The following PRDM5 variants were observed in gnomAD, a reference collection of about 807,000 sequenced individuals.
PRDM5 encodes the protein PR domain zinc finger protein 5.
Under a neutral mutation model 81.2 loss-of-function variants are expected in PRDM5, and 56 were observed. The observed-to-expected ratio is 0.69, with a 90% CI of 0.56 to 0.86. The LOEUF (loss-of-function observed/expected upper bound fraction) is 0.86. PRDM5 is among the 40% of genes least tolerant of loss of function. The pLI, the probability that PRDM5 is intolerant of heterozygous loss-of-function variation, is 0.00. For missense variants in PRDM5, 697 were observed against 770.1 expected, an observed-to-expected ratio of 0.91 and a Z score of 1.12; for synonymous variants, 267 against 256.4, an observed-to-expected ratio of 1.04 and a Z score of -0.39.
intron 14 of PRDM5, among the ~76,000 whole-genome samples, chr4:120,713,088 CA>C (rs1737238616): frequency 6.6e-6 from 1 of 152,156 alleles, no homozygotes; most frequent in Non-Finnish European, 1.5e-5. Context: ...GTGATTCTAT[CA>C]CTTTATTTTA....
At chr4:120,778,158 T>C (rs539257960) in intron 12 of PRDM5, among the ~76,000 whole-genome samples, 8 of 152,132 alleles carry the variant, frequency 5.3e-5, no homozygotes, top group Non-Finnish European at 1.2e-4. Flanking sequence ...TTTCTAAGAC[T>C]ACTTTTAGAA....
chr4:120,878,484 A>T (rs867331583), intron 2 of PRDM5, among the ~76,000 whole-genome samples: 3 of 152,298 alleles, frequency 2.0e-5, no homozygotes, highest in Middle Eastern at 6.8e-3. Context: ...ACATAGGAAA[A>T]TATCTAGGTA....
intron 10 of PRDM5, among the ~76,000 whole-genome samples, chr4:120,788,662 T>A (rs538000939): frequency 6.6e-6 from 1 of 152,326 alleles, no homozygotes; most frequent in South Asian, 2.1e-4. Flanking sequence ...ATGACTTAAG[T>A]TGCTTAATTA....
intron 3 of PRDM5, among the ~76,000 whole-genome samples, chr4:120,835,434 T>C (rs1757235130): frequency 6.6e-6 from 1 of 152,188 alleles, no homozygotes; most frequent in South Asian, 2.1e-4. Context: ...ATAAAGGAGA[T>C]ATGGTTTGGT....
chr4:120,839,838 C>A (rs948198897), intron 3 of PRDM5, among the ~76,000 whole-genome samples: 1 of 152,238 alleles, frequency 6.6e-6, no homozygotes, highest in Admixed American at 6.5e-5. Flanking sequence ...TCCAACCCCC[C>A]CACACTCATT....
At chr4:120,686,168 C>T (rs1226682931) in intron 1 of PRDM5, among the ~76,000 whole-genome samples, 1 of 152,034 alleles carries the variant, frequency 6.6e-6, no homozygotes, top group Admixed American at 6.6e-5. Context: ...TAATACCATG[C>T]TTCCTGTATA....
At chr4:120,759,805 A>C (rs1023391500) in intron 13 of PRDM5, among the ~76,000 whole-genome samples, 1 of 152,254 alleles carries the variant, frequency 6.6e-6, no homozygotes, top group Non-Finnish European at 1.5e-5. Flanking sequence ...GGCTAGTCAC[A>C]GTATTCAAAT....
At chr4:120,715,632 T>G (rs2149042319) in intron 14 of PRDM5, among the ~76,000 whole-genome samples, 1 of 152,294 alleles carries the variant, frequency 6.6e-6, no homozygotes, top group South Asian at 2.1e-4. Flanking sequence ...TTGTATTATA[T>G]CCAAATATTC....
At chr4:120,818,228 C>T (rs925216757) in intron 5 of PRDM5, 125 bp downstream of exon 5, 2 of 959,444 alleles carry the variant, frequency 2.1e-6, no homozygotes, top group African/African-American at 3.3e-5. Context: ...ATCTCTCATT[C>T]ACACACAAAA....
At chr4:120,712,211 A>G (rs959411642) in intron 14 of PRDM5, among the ~76,000 whole-genome samples, 1 of 152,114 alleles carries the variant, frequency 6.6e-6, no homozygotes, top group Non-Finnish European at 1.5e-5. Context: ...GCTTGAACCC[A>G]GGAGGCGGAG....
In PRDM5 at chr4:120,798,256, A is replaced by G. The variant is rs777674288; in HGVS notation, c.1188+11T>C. 1.9e-5 allele frequency: 28 copies of G among 1,508,254 alleles called. No homozygotes were observed. The East Asian group carries it at 5.8e-4, about 31-fold the overall frequency. 93.4% of individuals were successfully genotyped at this position (1,508,254 alleles called of 1,614,324 possible). A position where few individuals can be genotyped will look rare whatever the true frequency, so the allele number is the denominator to read the frequency against. ...TTCATAAAAAATAATAATAATATTAATAAGTTTTACCTTCTTATGATTCTT... is the reference window on the plus strand; with the variant it reads ...TTCATAAAAAATAATAATAATATTAGTAAGTTTTACCTTCTTATGATTCTT... On this transcript the variant is annotated intron_variant, in intron 10 of 15. Coordinates refer to ENST00000264808, the MANE Select transcript of PRDM5 (RefSeq NM_018699.4).
At chr4:120,686,631 G>A (rs1362207957) in intron 1 of PRDM5, among the ~76,000 whole-genome samples, 1 of 151,980 alleles carries the variant, frequency 6.6e-6, no homozygotes, top group Non-Finnish European at 1.5e-5. Context: ...ATGTGAAAAT[G>A]TCATTAATTT....
intron 11 of PRDM5, among the ~76,000 whole-genome samples, chr4:120,784,736 C>A (rs1462160383): frequency 1.3e-5 from 2 of 151,912 alleles, no homozygotes; most frequent in Non-Finnish European, 2.9e-5. Context: ...ATGGAAAATG[C>A]TTTTATATAG....
At chr4:120,869,914 T>G (rs1442715789) in intron 2 of PRDM5, among the ~76,000 whole-genome samples, 1 of 152,114 alleles carries the variant, frequency 6.6e-6, no homozygotes. Context: ...AACTACAGAA[T>G]TTTTAAAGTC....
intron 1 of PRDM5, among the ~76,000 whole-genome samples, chr4:120,907,770 G>C (rs536413961): frequency 3.3e-5 from 5 of 152,258 alleles, no homozygotes; most frequent in African/African-American, 1.2e-4. Flanking sequence ...CACAACATAG[G>C]AGCAACATAA....
chr4:120,779,506 GA>G (rs1027561322), intron 12 of PRDM5, among the ~76,000 whole-genome samples: 5 of 151,974 alleles, frequency 3.3e-5, no homozygotes, highest in Non-Finnish European at 7.4e-5. Flanking sequence ...TTTATTCAGA[GA>G]GCTAAAAACA....
chr4:120,914,798 T>C (rs901497382), intron 1 of PRDM5, among the ~76,000 whole-genome samples: 3 of 152,174 alleles, frequency 2.0e-5, no homozygotes, highest in Non-Finnish European at 4.4e-5. Flanking sequence ...AATGTATATA[T>C]ACACAATGTA....
chr4:120,784,991 G>A lies in PRDM5; in HGVS notation c.1282+7C>T. 6.3e-7 allele frequency: 1 copy of A among 1,576,298 alleles called. No homozygotes were observed. Among genetic ancestry groups the A allele is most frequent in the Non-Finnish European group, 8.7e-7 (1 of 1,145,802 alleles). On this transcript the variant is annotated splice_region_variant and intron_variant, in intron 11 of 15. Transcript: ENST00000264808. ...TTATATTCTCAACTGCCTGAATCGT[G>A]ACTTACTGTTATGTATTAGCAGGTG... is the stretch of plus-strand genomic sequence containing the variant.
At chr4:120,768,201 T>C (rs1055979093) in intron 13 of PRDM5, among the ~76,000 whole-genome samples, 2 of 152,208 alleles carry the variant, frequency 1.3e-5, no homozygotes, top group Non-Finnish European at 2.9e-5. Context: ...ACTTACAGAA[T>C]TTCTGTAATT....
Sources: allele counts gnomAD v4.1 joint callset (sites outside exome capture counted in the v4.1 genomes callset), GRCh38; gene constraint gnomAD v4.1.1; transcripts MANE v1.5; gene names NCBI Gene and HGNC (gene_info 2026-07-23, HGNC 2026-07-21).